Variants in ABCC5 observed in about 807,000 individuals in gnomAD.
The protein encoded by ABCC5 is ATP binding cassette subfamily C member 5.
In ABCC5, 61 loss-of-function variants were observed where a neutral mutation model predicts 160.9. The ratio of observed to expected loss-of-function variants is 0.38; its 90% confidence interval spans 0.31 to 0.47. The LOEUF (loss-of-function observed/expected upper bound fraction) is 0.47, where lower values mean the gene tolerates loss of function less well. Ranked by LOEUF, ABCC5 falls within the 20% of genes least tolerant of loss-of-function variation. ABCC5 has a pLI of 0.99. For missense variants in ABCC5, 1,308 were observed against 1,813.3 expected (o/e 0.72, Z 5.06); for synonymous variants, 666 against 700.6 (o/e 0.95, Z 0.78).
intron 5 of ABCC5, chr3:183,984,783 T>C: frequency 6.4e-7 from 1 of 1,554,568 alleles, no homozygotes; most frequent in Non-Finnish European, 8.6e-7. Flanking sequence ...TGGAACTGAG[T>C]CACAGGGCCA....
At chr3:184,011,063 C>T (rs536231853) in intron 2 of ABCC5, among the ~76,000 whole-genome samples, 1 of 152,108 alleles carries the variant, frequency 6.6e-6, no homozygotes, top group South Asian at 2.1e-4. Context: ...TTAATATCTC[C>T]CCAATCTCCT....
intron 17 of ABCC5, among the ~76,000 whole-genome samples, chr3:183,956,355 A>G (rs1715957880): frequency 6.6e-6 from 1 of 151,510 alleles, no homozygotes; most frequent in African/African-American, 2.4e-5. Context: ...TGTGTATATC[A>G]CATCGGTTAC....
At chr3:183,954,473 C>T (rs1452257298) in intron 17 of ABCC5, among the ~76,000 whole-genome samples, 1 of 152,122 alleles carries the variant, frequency 6.6e-6, no homozygotes, top group Non-Finnish European at 1.5e-5. Flanking sequence ...AACTAGATCT[C>T]GCAGCTGACC....
intron 24 of ABCC5, 49 bp from the exon 25 acceptor site, chr3:183,942,965 A>G (rs1201276651): frequency 6.5e-7 from 1 of 1,538,680 alleles, no homozygotes; most frequent in Non-Finnish European, 8.8e-7. Flanking sequence ...ATTCTTGGGG[A>G]GCTGCAGGCT....
intron 2 of ABCC5, chr3:184,006,473 G>A (rs1721220633): frequency 6.6e-6 from 1 of 152,158 alleles, no homozygotes; most frequent in African/African-American, 2.4e-5. Context: ...TAATACTCTT[G>A]ACTTGGAAAA....
rs774055698 is a variant in ABCC5, at chr3:183,971,739, T to C, written c.1585A>G (p.Lys529Glu). 6.2e-7 allele frequency: 1 copy of C among 1,614,202 alleles called. No individual in the cohort carries two copies. The highest frequency in any genetic ancestry group is 8.5e-7 in the Non-Finnish European group (1 of 1,180,028). The part of the protein sequence containing the change: ...DKRASRGKKE[K>E]VRQLQRTEHQ... ...TCAGTGCGCTGCAGCTGCCTCACCT[T>C]CTCTTTCTTGCCCCTGGAAGCCCTC... is the stretch of plus-strand genomic sequence containing the variant. The change falls in exon 11 of 30, where the codon AAG becomes GAG. Residue 529 changes from lysine to glutamate, a missense_variant. Physicochemically the swap from Lys to Glu is moderately conservative, Grantham distance 56. Around this residue, in one of 3 missense-constraint regions of ABCC5, gnomAD observed 1,142 missense variants for 1,527.1 expected, o/e 0.75. Transcript: ENST00000334444.
chr3:183,977,224 T>A (rs1392253538), intron 10 of ABCC5, among the ~76,000 whole-genome samples: 2 of 152,176 alleles, frequency 1.3e-5, no homozygotes, highest in African/African-American at 4.8e-5. Flanking sequence ...TTGCGACACA[T>A]CCATGTCAGG....
rs1024827258 is a variant in ABCC5, at chr3:183,927,909, A to G, written c.3934-466T>C. The G allele has an allele frequency of 7.9e-6, 6 of 760,062 alleles. No homozygotes were observed. The African/African-American group carries it at 1.1e-4, about 14-fold the overall frequency. 47.1% of individuals were successfully genotyped at this position (760,062 alleles called of 1,614,324 possible). A position where few individuals can be genotyped will look rare whatever the true frequency, so the allele number is the denominator to read the frequency against. ...GAGGAAAAAACAGAACTCATCTACTAATAGTTGAATTAGGGCAGGGGATCC... is the reference window on the plus strand; with the variant it reads ...GAGGAAAAAACAGAACTCATCTACTGATAGTTGAATTAGGGCAGGGGATCC... On this transcript the variant is annotated intron_variant, in intron 27 of 29. Coordinates refer to ENST00000334444, the MANE Select transcript of ABCC5 (RefSeq NM_005688.4).
chr3:184,001,199 G>A (rs1189110557), intron 2 of ABCC5: 1 of 523,656 alleles, frequency 1.9e-6, no homozygotes, highest in South Asian at 3.0e-5. Flanking sequence ...GCTGCAGTGA[G>A]CCATGGTCAT....
At chr3:183,936,251 C>G (rs911504884) in intron 26 of ABCC5, among the ~76,000 whole-genome samples, 1 of 152,104 alleles carries the variant, frequency 6.6e-6, no homozygotes, top group African/African-American at 2.4e-5. Flanking sequence ...CGGCCCTCAG[C>G]AGACACCCAT....
At chr3:183,934,194 G>A (rs1179738995) in intron 26 of ABCC5, among the ~76,000 whole-genome samples, 1 of 152,058 alleles carries the variant, frequency 6.6e-6, no homozygotes, top group East Asian at 1.9e-4. Flanking sequence ...TGGTCCCAGC[G>A]ACTCAGGAGG....
At position 183,987,959 on chromosome 3, in the gene ABCC5, G is replaced by T; in HGVS notation, c.444-42C>A. ...GTCCTCGTTACACATCTCCTCGGGG[G>T]AAAGGCACACCTAGCTCCCCGCCTG... On this transcript the variant is annotated intron_variant, in intron 4 of 29. Transcript: ENST00000334444. The surrounding 1 kb of genome is among the most constrained non-coding windows in gnomAD (Gnocchi z 4.2). 2 of 1,602,344 alleles carry T rather than the reference G, an allele frequency of 1.2e-6. No homozygotes were observed. Among genetic ancestry groups the T allele is most frequent in the Non-Finnish European group, 1.7e-6 (2 of 1,173,698 alleles).
chr3:183,920,023 T>C lies in ABCC5; in HGVS notation c.*1277A>G, dbSNP rs540027454. Reference sequence around the variant, plus strand: ...AAACATGCTAAGGCGACAGAATGTCTAGTTGGTCACGACATGCAACGCTGA... The same window carrying C: ...AAACATGCTAAGGCGACAGAATGTCCAGTTGGTCACGACATGCAACGCTGA... On this transcript the variant is annotated 3_prime_UTR_variant, in exon 30 of 30. Coordinates refer to ENST00000334444, the MANE Select transcript of ABCC5 (RefSeq NM_005688.4). The surrounding 1 kb of genome is among the most constrained non-coding windows in gnomAD (Gnocchi z 4.1). 33 of 152,790 alleles carry C rather than the reference T, an allele frequency of 2.2e-4. No individual in the cohort carries two copies. Among genetic ancestry groups the C allele is most frequent in the African/African-American group, 7.9e-4 (33 of 41,580 alleles). The allele number at this position is 152,790 out of a possible 1,614,324, so 9.5% of individuals were successfully genotyped here. A position where few individuals can be genotyped will look rare whatever the true frequency, so the allele number is the denominator to read the frequency against.
intron 26 of ABCC5, among the ~76,000 whole-genome samples, chr3:183,937,299 C>A (rs888957789): frequency 6.6e-6 from 1 of 152,214 alleles, no homozygotes; most frequent in African/African-American, 2.4e-5. Context: ...ATCACTTGAA[C>A]CCAGGAGGCG....
chr3:183,940,832 C>T (rs921104967), intron 25 of ABCC5, among the ~76,000 whole-genome samples: 2 of 151,934 alleles, frequency 1.3e-5, no homozygotes, highest in African/African-American at 4.8e-5. Context: ...CCTATTAGAA[C>T]CGGAGTGTAA....
Position 183,982,734 on chromosome 3 carries a change from G to C in ABCC5, c.825+40C>G, listed in dbSNP as rs781456118. 6.2e-7 allele frequency: 1 copy of C among 1,610,070 alleles called. No homozygotes were observed. Among genetic ancestry groups the C allele is most frequent in the African/African-American group, 1.3e-5 (1 of 74,914 alleles). ...CCTAGAGGAATGAACCTCAAGCTAG[G>C]AAGTTGCTCTCTGCTGTGAAGCAAA... On this transcript the variant is annotated intron_variant, in intron 6 of 29. Transcript: ENST00000334444. The surrounding 1 kb of genome is among the most constrained non-coding windows in gnomAD (Gnocchi z 5.2).
intron 12 of ABCC5, chr3:183,967,358 A>G (rs1220586755): frequency 2.0e-5 from 6 of 298,170 alleles, no homozygotes; most frequent in Non-Finnish European, 3.3e-5. Flanking sequence ...GCTGCAGTGT[A>G]GGGTGTCTGC....
At chr3:183,936,529 A>C (rs1713735185) in intron 26 of ABCC5, among the ~76,000 whole-genome samples, 1 of 149,588 alleles carries the variant, frequency 6.7e-6, no homozygotes, top group African/African-American at 2.5e-5. Context: ...TTTTTTTGAG[A>C]TGGAGTCTCA....
chr3:183,981,708 AC>A lies in ABCC5; in HGVS notation c.1147+18del, dbSNP rs758407524. The A allele has an allele frequency of 1.9e-6, 3 of 1,608,008 alleles. No homozygotes were observed. Among genetic ancestry groups the A allele is most frequent in the Non-Finnish European group, 2.5e-6 (3 of 1,178,494 alleles). ...CAAGGTCCTTCTACCACATGCACAT[AC>A]AAAATCTTTAAACTCACTTTGAACA... On this transcript the variant is annotated intron_variant, in intron 8 of 29. Coordinates refer to ENST00000334444, the MANE Select transcript of ABCC5 (RefSeq NM_005688.4).
Sources: gnomAD v4.1 joint callset for allele counts (sites outside exome capture counted in the v4.1 genomes callset) on GRCh38, gnomAD v4.1.1 for gene constraint, gnomAD v4.1.1 regional missense constraint, Gnocchi (gnomAD v3.1) non-coding constraint, MANE v1.5 for transcripts, NCBI Gene and HGNC (gene_info 2026-07-23, HGNC 2026-07-21) for gene names.